C17orf78: variants seen among roughly 807,000 people sequenced by gnomAD.
C17orf78 encodes chromosome 17 open reading frame 78.
Under a neutral mutation model 31.8 loss-of-function variants are expected in C17orf78, and 27 were observed. That is an observed-to-expected ratio of 0.85 (90% CI 0.63 to 1.17). C17orf78 has a LOEUF of 1.17. Among genes scored for constraint, C17orf78 ranks in the 50% most tolerant of loss-of-function variants. The pLI is 0.00. For synonymous variants in C17orf78, 106 were observed against 115.1 expected (o/e 0.92, Z 0.51); for missense variants, 258 against 315.2 (o/e 0.82, Z 1.37).
At chr17:37,390,334 A>ATATAT (rs2050822111) in intron 6 of C17orf78, among the ~76,000 whole-genome samples, 49 of 93,382 alleles carry the variant, frequency 5.2e-4, no homozygotes, top group South Asian at 9.3e-4. Context: ...ATATATATAT[A>ATATAT]AAAGGCCAGC....
chr17:37,381,037 T>C (rs2050230526), intron 3 of C17orf78, among the ~76,000 whole-genome samples: 1 of 152,050 alleles, frequency 6.6e-6, no homozygotes, highest in Admixed American at 6.6e-5. Context: ...ACCACTATTA[T>C]CAACTTATTA....
intron 3 of C17orf78, among the ~76,000 whole-genome samples, chr17:37,381,547 A>G (rs946753175): frequency 8.7e-5 from 13 of 149,614 alleles, no homozygotes; most frequent in African/African-American, 3.2e-4. Context: ...ATACGTATAT[A>G]TTTACCCCAT....
chr17:37,389,231 AT>A lies in C17orf78; in HGVS notation c.634-11del. ...CAGCCACTTCATATTAATACCAGTC[AT>A]TTTCTCCCTTCAGTATCAATGCCTA... On this transcript the variant is annotated splice_polypyrimidine_tract_variant and intron_variant, in intron 5 of 6. Transcript: ENST00000615133. The A allele has an allele frequency of 6.4e-7, 1 of 1,566,358 alleles. No homozygotes were observed.
chr17:37,390,175 T>TATATACACACACAC (rs60788220), intron 6 of C17orf78, among the ~76,000 whole-genome samples: 13 of 44,510 alleles, frequency 2.9e-4, no homozygotes, highest in African/African-American at 1.5e-3. Flanking sequence ...TATATATATA[T>TATATACACACACAC]ACACACACAC....
chr17:37,380,914 A>G (rs62071187), intron 3 of C17orf78, among the ~76,000 whole-genome samples: 1 of 149,634 alleles, frequency 6.7e-6, no homozygotes, highest in Non-Finnish European at 1.5e-5. Context: ...TTTTTTTTTA[A>G]TTTCATTTTG....
intron 3 of C17orf78, among the ~76,000 whole-genome samples, chr17:37,381,848 C>CT (rs2050295350): frequency 7.1e-4 from 107 of 150,652 alleles, no homozygotes; most frequent in Middle Eastern, 3.4e-3. Context: ...AGGATGGTCT[C>CT]GATCGCCTGA....
intron 6 of C17orf78, among the ~76,000 whole-genome samples, chr17:37,390,461 T>C (rs1176393361): frequency 6.9e-6 from 1 of 145,488 alleles, no homozygotes; most frequent in Non-Finnish European, 1.5e-5. Flanking sequence ...ACCCTGTCTC[T>C]ACTAAAAATA....
intron 3 of C17orf78, among the ~76,000 whole-genome samples, chr17:37,384,902 A>C (rs1425857305): frequency 1.3e-5 from 2 of 152,226 alleles, no homozygotes; most frequent in African/African-American, 4.8e-5. Context: ...AAAGTCAAGT[A>C]GAATTTATAG....
At chr17:37,383,233 G>A (rs1207748681) in intron 3 of C17orf78, among the ~76,000 whole-genome samples, 1 of 152,188 alleles carries the variant, frequency 6.6e-6, no homozygotes, top group African/African-American at 2.4e-5. Flanking sequence ...TAGGCATTGT[G>A]AGACTTGGGG....
At chr17:37,389,633 G>T (rs905125555) in intron 6 of C17orf78, among the ~76,000 whole-genome samples, 4 of 151,970 alleles carry the variant, frequency 2.6e-5, no homozygotes, top group African/African-American at 9.7e-5. Flanking sequence ...GTTGCAGTGA[G>T]CCGAGATTGT....
chr17:37,382,660 G>A (rs1375740508), intron 3 of C17orf78, among the ~76,000 whole-genome samples: 1 of 152,242 alleles, frequency 6.6e-6, no homozygotes, highest in East Asian at 1.9e-4. Context: ...AAGAGATCAG[G>A]ACCATCCTGG....
chr17:37,383,150 C>T (rs1358890250), intron 3 of C17orf78, among the ~76,000 whole-genome samples: 1 of 152,138 alleles, frequency 6.6e-6, no homozygotes, highest in Admixed American at 6.5e-5. Context: ...CTGTCCATGG[C>T]AGCTGTGTTG....
intron 2 of C17orf78, 62 bp downstream of exon 2, chr17:37,378,027 A>C: frequency 7.0e-7 from 1 of 1,438,804 alleles, no homozygotes; most frequent in Non-Finnish European, 9.8e-7. Flanking sequence ...TACCTTTAAA[A>C]GATATCTCAT....
intron 3 of C17orf78, among the ~76,000 whole-genome samples, chr17:37,383,513 T>C (rs1597763180): frequency 1.3e-5 from 2 of 152,346 alleles, no homozygotes; most frequent in East Asian, 3.9e-4. Context: ...TCACTCATGA[T>C]ACATTTTTAT....
At chr17:37,390,330 A>ATATATATTATATATATATATATATATATC (rs1386032855) in intron 6 of C17orf78, among the ~76,000 whole-genome samples, 1 of 41,592 alleles carries the variant, frequency 2.4e-5, no homozygotes, top group African/African-American at 1.3e-4. Context: ...ATATATATAT[A>ATATATATTATATATATATATATATATATC]TATAAAAGGC....
intron 4 of C17orf78, 38 bp from the exon 5 acceptor site, chr17:37,388,632 T>C (rs1206017793): frequency 6.3e-7 from 1 of 1,595,178 alleles, no homozygotes; most frequent in Non-Finnish European, 8.6e-7. Flanking sequence ...TCTCTCAAAT[T>C]TTCTTTTCTC....
In C17orf78 at chr17:37,379,327, C is replaced by A. The variant is rs764494252; in HGVS notation, c.336C>A (p.Ser112Arg). 13 of 1,614,018 alleles carry A rather than the reference C, an allele frequency of 8.1e-6. No individual in the cohort carries two copies. The highest frequency in any genetic ancestry group is 2.2e-5 in the South Asian group (2 of 91,084). ...APRRNSSASS[S>R]CHLIPTSKFQ... Reference sequence around the variant, plus strand: ...GCAGAAACAGCTCTGCCTCCTCAAGCTGTCACCTAATCCCCACATCCAAGT... The same window carrying A: ...GCAGAAACAGCTCTGCCTCCTCAAGATGTCACCTAATCCCCACATCCAAGT... The change falls in exon 3 of 7, where the codon AGC becomes AGA. Residue 112 changes from serine (S) to arginine (R), a missense_variant. Ser to Arg is a moderately radical substitution (Grantham distance 110, BLOSUM62 -1). Transcript: ENST00000615133.
chr17:37,385,541 C>T (rs1597771099), intron 3 of C17orf78, among the ~76,000 whole-genome samples: 1 of 152,110 alleles, frequency 6.6e-6, no homozygotes, highest in Non-Finnish European at 1.5e-5. Context: ...TTCCTTCTTC[C>T]AGCTCCTCCT....
At chr17:37,390,339 G>T (rs2050824806) in intron 6 of C17orf78, among the ~76,000 whole-genome samples, 1 of 31,678 alleles carries the variant, frequency 3.2e-5, no homozygotes, top group African/African-American at 1.5e-4. Context: ...TATATAAAAG[G>T]CCAGCTGGGC....
Sources: gnomAD v4.1 joint callset for allele counts (sites outside exome capture counted in the v4.1 genomes callset) on GRCh38, gnomAD v4.1.1 for gene constraint, MANE v1.5 for transcripts, NCBI Gene and HGNC (gene_info 2026-07-23, HGNC 2026-07-21) for gene names.